The following CCDC7 variants were observed in gnomAD, a reference collection of about 807,000 sequenced individuals.
The protein encoded by CCDC7 is coiled-coil domain-containing protein 7.
CCDC7 carries 183 observed loss-of-function variants against 196.9 expected under a neutral mutation model. The ratio of observed to expected loss-of-function variants is 0.93; its 90% confidence interval spans 0.82 to 1.05. The LOEUF is 1.05. Ranked by LOEUF, CCDC7 falls within the 50% of genes least tolerant of loss-of-function variation. The pLI is 0.00. For missense variants in CCDC7, 1,540 were observed against 1,482.2 expected, an observed-to-expected ratio of 1.04 and a Z score of -0.64; for synonymous variants, 525 against 484.6, an observed-to-expected ratio of 1.08 and a Z score of -1.10.
chr10:32,851,950 T>C lies in CCDC7; in HGVS notation c.4021+18T>C. On this transcript the variant is annotated intron_variant, in intron 40 of 41. Coordinates refer to ENST00000639629, the Ensembl canonical transcript of CCDC7. The stretch of plus-strand genomic sequence containing the variant: ...CCCTTCAGGTAATTTTTAATATTTT[T>C]AGTGTACAGTGTGATTTTTAAAATA... 1 of 1,580,126 alleles carries C rather than the reference T, an allele frequency of 6.3e-7. No individual in the cohort carries two copies. Among genetic ancestry groups the C allele is most frequent in the Non-Finnish European group, 8.6e-7 (1 of 1,168,260 alleles).
chr10:32,773,968 T>C (rs1257542272), intron 28 of CCDC7, among the ~76,000 whole-genome samples: 2 of 152,334 alleles, frequency 1.3e-5, no homozygotes, highest in Admixed American at 6.5e-5. Context: ...CCCTGTAACT[T>C]AAACACTGCT....
At chr10:32,506,570 C>T (rs1238266226) in intron 9 of CCDC7, among the ~76,000 whole-genome samples, 8 of 152,198 alleles carry the variant, frequency 5.3e-5, no homozygotes, top group Non-Finnish European at 1.0e-4. Context: ...CAACATTGAG[C>T]ATTGAGTGAG....
intron 41 of CCDC7, among the ~76,000 whole-genome samples, chr10:32,859,790 C>G (rs548472440): frequency 2.0e-5 from 3 of 152,278 alleles, no homozygotes; most frequent in Middle Eastern, 3.4e-3. Context: ...AACGCCTCTA[C>G]GCAAATTAAC....
chr10:32,676,830 G>C (rs919008895), intron 21 of CCDC7, among the ~76,000 whole-genome samples: 1 of 152,146 alleles, frequency 6.6e-6, no homozygotes, highest in African/African-American at 2.4e-5. Flanking sequence ...CAGGGATCTA[G>C]AACTAGAAAT....
chr10:32,474,048 TA>T, intron 8 of CCDC7, 25 bp downstream of exon 9: 1 of 1,604,764 alleles, frequency 6.2e-7, no homozygotes, highest in Non-Finnish European at 8.5e-7. Context: ...ATTAAAGCAT[TA>T]TTGTGATAAT....
intron 24 of CCDC7, among the ~76,000 whole-genome samples, chr10:32,702,130 T>C (rs564240207): frequency 1.3e-4 from 20 of 152,130 alleles, no homozygotes; most frequent in Non-Finnish European, 1.0e-4. Context: ...CATTTTAGAT[T>C]TTTCCTGCTT....
chr10:32,689,263 A>G, intron 23 of CCDC7, 100 bp downstream of exon 24: 1 of 699,342 alleles, frequency 1.4e-6, no homozygotes, highest in Non-Finnish European at 2.4e-6. Context: ...TTTGACTAAA[A>G]TGTGAATACC....
rs1394660155 is a variant in CCDC7, at chr10:32,760,567, G to A, written c.2906-18410G>A. On this transcript the variant is annotated intron_variant, in intron 28 of 41. Coordinates refer to ENST00000639629, the Ensembl canonical transcript of CCDC7. Reference sequence around the variant, plus strand: ...CAATGAGAACACTTGGACACAGGAAGGGGAACATCACACACTGGGGCCTGT... The same window carrying A: ...CAATGAGAACACTTGGACACAGGAAAGGGAACATCACACACTGGGGCCTGT... Among the ~76,000 whole-genome samples, 3 of 152,038 alleles carry A rather than the reference G, an allele frequency of 2.0e-5. No individual in the cohort carries two copies. The East Asian group carries it at 5.8e-4, about 29-fold the overall frequency.
chr10:32,659,928 G>T (rs1321890951), intron 20 of CCDC7, among the ~76,000 whole-genome samples: 1 of 152,124 alleles, frequency 6.6e-6, no homozygotes, highest in Non-Finnish European at 1.5e-5. Flanking sequence ...ATTCATCAAA[G>T]ACCTAAAAAC....
intron 18 of CCDC7, among the ~76,000 whole-genome samples, chr10:32,605,832 T>C (rs1237593583): frequency 6.8e-6 from 1 of 146,786 alleles, no homozygotes; most frequent in African/African-American, 2.5e-5. Flanking sequence ...ATTTATAACC[T>C]GGCCATATAG....
rs533309229 is a variant in CCDC7, at chr10:32,676,242, T to C, written c.2123-9728T>C. On this transcript the variant is annotated intron_variant, in intron 21 of 41. Coordinates refer to ENST00000639629, the Ensembl canonical transcript of CCDC7. ...AATTCACGTGGATTAAAGACTTAAATGTTAGACCTAAAACCATAAAAACCC... is the reference window on the plus strand; with the variant it reads ...AATTCACGTGGATTAAAGACTTAAACGTTAGACCTAAAACCATAAAAACCC... Among the ~76,000 whole-genome samples, 692 of 140,214 alleles carry C rather than the reference T, an allele frequency of 4.9e-3. 7 individuals are homozygous for C. The highest frequency in any genetic ancestry group is 0.017 in the African/African-American group (659 of 37,778). The allele number at this position is 140,214 out of a possible 152,430, so 92.0% of individuals were successfully genotyped here.
chr10:32,638,917 T>C (rs899687355), intron 20 of CCDC7, among the ~76,000 whole-genome samples: 7 of 152,332 alleles, frequency 4.6e-5, no homozygotes, highest in Non-Finnish European at 8.8e-5. Flanking sequence ...AGCCTGTTAT[T>C]GGTCTATTCA....
At position 32,560,312 on chromosome 10, in the gene CCDC7, A is replaced by G. The variant is rs796636639; in HGVS notation, c.1135-5246A>G. On this transcript the variant is annotated intron_variant, in intron 13 of 41. Coordinates refer to ENST00000639629, the Ensembl canonical transcript of CCDC7. Reference sequence around the variant, plus strand: ...GCAGGCCAACACTCAGATTCAGGAAATACAGAGAACGCCACAAAGATACTC... The same window carrying G: ...GCAGGCCAACACTCAGATTCAGGAAGTACAGAGAACGCCACAAAGATACTC... 5.0e-4 allele frequency among the ~76,000 whole-genome samples: 76 copies of G among 152,328 alleles called. No homozygotes were observed. In the South Asian group the frequency reaches 0.015, roughly 30 times the overall value.
rs776179776 is a variant in CCDC7, at chr10:32,854,401, G to C, written c.4023G>C (p.Gly1341=). The C allele has an allele frequency of 5.1e-6, 8 of 1,574,806 alleles. No homozygotes were observed. The Admixed American group carries it at 1.0e-4, about 21-fold the overall frequency. Reference sequence around the variant, plus strand: ...ATAACACTGTTCTCATTTTTTTAGGGCATTCGAAAGTTGTTACCTTAAGCC... The same window carrying C: ...ATAACACTGTTCTCATTTTTTTAGGCCATTCGAAAGTTGTTACCTTAAGCC... Residue 1341 remains glycine (G), a splice_region_variant and synonymous_variant, in exon 41 of 42, where the codon GGG becomes GGC. Transcript: ENST00000639629.
At chr10:32,806,496 A>G (rs1185703795) in intron 30 of CCDC7, among the ~76,000 whole-genome samples, 1 of 152,180 alleles carries the variant, frequency 6.6e-6, no homozygotes, top group Admixed American at 6.6e-5. Context: ...AAGAAAAGGA[A>G]GATATTATGA....
chr10:32,511,879 A>C, intron 9 of CCDC7: 1 of 625,876 alleles, frequency 1.6e-6, no homozygotes, highest in South Asian at 2.0e-5. Context: ...TTTATACACA[A>C]ATTACATACC....
At chr10:32,689,080 T>G (rs1203648180) in exon 23 of CCDC7, 1 of 1,605,172 alleles carries the variant, frequency 6.2e-7, no homozygotes, top group Non-Finnish European at 8.5e-7. Context: ...AATGAAAATC[T>G]TATACTTAGG....
upstream of CCDC7, among the ~76,000 whole-genome samples, chr10:32,446,882 T>TTGCCTGCCTGCCTGCCTGCC (rs71027088): frequency 9.0e-6 from 1 of 111,128 alleles, no homozygotes; most frequent in African/African-American, 2.9e-5. Flanking sequence ...CAAGTGAGCG[T>TTGCCTGCCTGCCTGCCTGCC]TGCCTGCCTG....
At chr10:32,784,962 A>G (rs1282687656) in intron 29 of CCDC7, among the ~76,000 whole-genome samples, 1 of 151,184 alleles carries the variant, frequency 6.6e-6, no homozygotes, top group Non-Finnish European at 1.5e-5. Flanking sequence ...AGATTGCGCC[A>G]CTGCACTCCA....
Sources: gnomAD v4.1 joint callset for allele counts (sites outside exome capture counted in the v4.1 genomes callset) on GRCh38, gnomAD v4.1.1 for gene constraint, MANE v1.5 for transcripts, NCBI Gene and HGNC (gene_info 2026-07-23, HGNC 2026-07-21) for gene names.